The following ALG1 variants were observed in gnomAD, a reference collection of about 807,000 sequenced individuals.
The protein encoded by ALG1 is chitobiosyldiphosphodolichol beta-mannosyltransferase.
ALG1 carries 58 observed loss-of-function variants against 55.1 expected under a neutral mutation model. The observed-to-expected ratio is 1.05, with a 90% confidence interval of 0.85 to 1.31. ALG1 has a LOEUF of 1.31. Ranked by LOEUF, ALG1 falls within the 50% of genes most tolerant of loss-of-function variation. ALG1 has a pLI of 0.00. For synonymous variants in ALG1, 309 were observed against 247.0 expected (o/e 1.25, Z -2.35); for missense variants, 761 against 598.6 (o/e 1.27, Z -2.83).
At chr16:5,072,870 G>A (rs1304482289) in intron 1 of ALG1, 81 bp from the exon 2 acceptor site, 65 of 1,289,880 alleles carry the variant, frequency 5.0e-5, no homozygotes, top group South Asian at 5.9e-5. Context: ...AACACTGTCC[G>A]TGATTCAGCC....
chr16:5,077,330 G>T (rs1392316941), intron 4 of ALG1, 115 bp from the exon 5 acceptor site: 4 of 891,428 alleles, frequency 4.5e-6, no homozygotes, highest in Non-Finnish European at 7.5e-6. Context: ...GGGGCTCAGG[G>T]AGCTCAAACT....
At chr16:5,079,182 T>C (rs1956972001) in intron 8 of ALG1, 80 bp downstream of exon 8, 7 of 1,549,796 alleles carry the variant, frequency 4.5e-6, no homozygotes, top group African/African-American at 1.4e-5. Flanking sequence ...GCCTGCAGCA[T>C]GTTCCTGTCC....
chr16:5,073,159 C>A lies in ALG1; in HGVS notation c.293C>A (p.Pro98His). 6.2e-7 allele frequency: 1 copy of A among 1,614,112 alleles called. No homozygotes were observed. Among genetic ancestry groups the A allele is most frequent in the Non-Finnish European group, 8.5e-7 (1 of 1,180,036 alleles). ...GGTGTTTTCTGACTTGCAGTTGGGC[C>A]CCGAGTTTTCCAGTACGGAGTCAAA... ...LTELQSLAVGPRVFQYGVKVV... is the reference protein window; with the variant it reads ...LTELQSLAVGHRVFQYGVKVV... Residue 98 changes from proline (P) to histidine (H), a missense_variant, in exon 3 of 13, where the codon CCC (proline) becomes CAC (histidine). Transcript: ENST00000262374.
At chr16:5,078,317 C>T (rs1052827894) in intron 6 of ALG1, 14 of 622,946 alleles carry the variant, frequency 2.2e-5, no homozygotes, top group East Asian at 6.8e-5. Context: ...TGGACCCCTG[C>T]GCTGTCTTAC....
At chr16:5,074,725 G>T (rs772723085) in intron 3 of ALG1, among the ~76,000 whole-genome samples, 1 of 152,160 alleles carries the variant, frequency 6.6e-6, no homozygotes, top group Non-Finnish European at 1.5e-5. Flanking sequence ...GGTCAGTTTG[G>T]CCCCCGCTGA....
chr16:5,081,774 C>T (rs988441322), intron 10 of ALG1, among the ~76,000 whole-genome samples: 1 of 152,046 alleles, frequency 6.6e-6, no homozygotes, highest in African/African-American at 2.4e-5. Context: ...GTTGGCCAGG[C>T]TGGTCTTGAA....
In ALG1 at chr16:5,077,447, A is replaced by T; in HGVS notation, c.542A>T (p.Tyr181Phe). Reference protein sequence around the residue: ...NHPLVLLAKWYEKFFGRLSHL... With the variant: ...NHPLVLLAKWFEKFFGRLSHL... Reference sequence around the variant, plus strand: ...TGACTGCTGATCTCTCTTTTCAGGTACGAGAAGTTCTTTGGGCGCCTGTCC... The same window carrying T: ...TGACTGCTGATCTCTCTTTTCAGGTTCGAGAAGTTCTTTGGGCGCCTGTCC... Residue 181 changes from tyrosine (Y) to phenylalanine (F), a missense_variant and splice_region_variant, in exon 5 of 13, where the codon TAC becomes TTC. By Grantham distance (22) the Tyr-to-Phe change is conservative. Transcript: ENST00000262374. 6.2e-7 allele frequency: 1 copy of T among 1,613,972 alleles called. No homozygotes were observed. The highest frequency in any genetic ancestry group is 8.5e-7 in the Non-Finnish European group (1 of 1,179,848).
At chr16:5,077,364 C>A in intron 4 of ALG1, 81 bp from the exon 5 acceptor site, 1 of 1,259,336 alleles carries the variant, frequency 7.9e-7, no homozygotes, top group Non-Finnish European at 1.2e-6. Context: ...GGCCTTTTCT[C>A]TGTTGAGGGA....
intron 12 of ALG1, 21 bp downstream of exon 12, chr16:5,083,778 G>T: frequency 6.3e-7 from 1 of 1,597,590 alleles, no homozygotes; most frequent in South Asian, 1.1e-5. Context: ...CTGCCACCAC[G>T]CCAGGGTGGG....
chr16:5,077,853 T>C (rs1956940988), intron 5 of ALG1, 54 bp from the exon 6 acceptor site: 1 of 1,544,744 alleles, frequency 6.5e-7, no homozygotes, highest in Non-Finnish European at 8.9e-7. Context: ...GAGTCCTCTG[T>C]TCCTGAGGCC....
chr16:5,073,476 G>GT (rs1956856258), intron 3 of ALG1: 3 of 593,570 alleles, frequency 5.1e-6, no homozygotes. Flanking sequence ...TGTATCAAGT[G>GT]TTTTCCATGT....
intron 1 of ALG1, chr16:5,072,384 G>T: frequency 1.5e-6 from 1 of 686,320 alleles, no homozygotes; most frequent in Non-Finnish European, 2.3e-6. Context: ...GTCAGGCTAT[G>T]TCTGAGCTGA....
At position 5,085,357 on chromosome 16, in the gene ALG1, T is replaced by G; in HGVS notation, c.*476T>G. Reference sequence around the variant, plus strand: ...AACATCATACTTGATACACACGTTTTTATTTGCACAAAGAAAATGCTATTT... The same window carrying G: ...AACATCATACTTGATACACACGTTTGTATTTGCACAAAGAAAATGCTATTT... On this transcript the variant is annotated 3_prime_UTR_variant, in exon 13 of 13. Transcript: ENST00000262374. 3.8e-6 allele frequency: 2 copies of G among 519,876 alleles called. No homozygotes were observed. The highest frequency in any genetic ancestry group is 7.1e-6 in the Non-Finnish European group (2 of 282,490). The allele number at this position is 519,876 out of a possible 1,614,324, so 32.2% of individuals were successfully genotyped here.
At chr16:5,076,173 T>G (rs1403414753) in intron 4 of ALG1, among the ~76,000 whole-genome samples, 8 of 152,280 alleles carry the variant, frequency 5.3e-5, no homozygotes, top group African/African-American at 1.9e-4. Context: ...AACTATAACA[T>G]CTCTGTTATA....
intron 10 of ALG1, among the ~76,000 whole-genome samples, chr16:5,082,181 G>T (rs987231646): frequency 6.6e-6 from 1 of 152,114 alleles, no homozygotes; most frequent in African/African-American, 2.4e-5. Flanking sequence ...CTGACCTCAG[G>T]TGATCTGCCC....
intron 8 of ALG1, among the ~76,000 whole-genome samples, chr16:5,079,355 T>C (rs1387213295): frequency 6.6e-6 from 1 of 152,198 alleles, no homozygotes; most frequent in East Asian, 1.9e-4. Context: ...GCAGTGCTCT[T>C]TCTCCACCTG....
intron 1 of ALG1, chr16:5,072,323 G>T (rs963450494): frequency 2.2e-6 from 3 of 1,340,870 alleles, no homozygotes; most frequent in African/African-American, 3.0e-5. Context: ...ACCCAGGTGC[G>T]TGGAACTCCA....
Position 5,071,869 on chromosome 16 carries a change from T to G in ALG1, c.20T>G (p.Val7Gly), listed in dbSNP as rs780711908. The stretch of plus-strand genomic sequence containing the variant: ...GCCAAGATGGCGGCCTCATGCTTGG[T>G]CCTGCTGGCGCTGTGTCTGCTGCTG... The part of the protein sequence containing the change: MAASCL[V>G]LLALCLLLPL... The change falls in exon 1 of 13, where the codon GTC (valine) becomes GGC (glycine). Residue 7 changes from valine to glycine, a missense_variant. Coordinates refer to ENST00000262374, the MANE Select transcript of ALG1 (RefSeq NM_019109.5). 4.9e-5 allele frequency: 79 copies of G among 1,605,010 alleles called. No individual in the cohort carries two copies. Among genetic ancestry groups the G allele is most frequent in the Admixed American group, 3.2e-4 (19 of 59,586 alleles).
chr16:5,082,180 G>C (rs954537531), intron 10 of ALG1, among the ~76,000 whole-genome samples: 44 of 151,944 alleles, frequency 2.9e-4, no homozygotes, highest in African/African-American at 9.9e-4. Flanking sequence ...CCTGACCTCA[G>C]GTGATCTGCC....
Sources: gnomAD v4.1 joint callset for allele counts (sites outside exome capture counted in the v4.1 genomes callset) on GRCh38, gnomAD v4.1.1 for gene constraint, MANE v1.5 for transcripts, NCBI Gene and HGNC (gene_info 2026-07-23, HGNC 2026-07-21) for gene names.